Variants in PTPRD observed in about 807,000 individuals in gnomAD.
PTPRD encodes receptor-type tyrosine-protein phosphatase delta.
Under a neutral mutation model 214.5 loss-of-function variants are expected in PTPRD, and 34 were observed. That is an observed-to-expected ratio of 0.16 (90% CI 0.12 to 0.21). The LOEUF (loss-of-function observed/expected upper bound fraction) is 0.21. PTPRD is among the 10% of genes least tolerant of loss of function. PTPRD has a pLI of 1.00. For synonymous variants in PTPRD, 1,128 were observed against 845.7 expected (o/e 1.33, Z -5.79); for missense variants, 2,545 against 2,398.7 (o/e 1.06, Z -1.27).
At position 10,459,563 on chromosome 9, in the gene PTPRD, T is replaced by C. The variant is rs549726181; in HGVS notation, c.-599-118546A>G. Among the ~76,000 whole-genome samples, 407 of 152,294 alleles carry C rather than the reference T, an allele frequency of 2.7e-3. 1 individual carries two copies. Among genetic ancestry groups the C allele is most frequent in the African/African-American group, 9.1e-3 (377 of 41,570 alleles). On this transcript the variant is annotated intron_variant, in intron 2 of 45. Transcript: ENST00000381196. ...TTCTCCACATCCTCTCCAGCATCTG[T>C]TGTTTCCTGACTTTTTAATGATCGC...
intron 27 of PTPRD, among the ~76,000 whole-genome samples, chr9:8,488,735 G>C (rs1253999454): frequency 1.3e-5 from 2 of 152,190 alleles, no homozygotes; most frequent in Non-Finnish European, 2.9e-5. Context: ...TGTGTATAGA[G>C]CATTTACATG....
intron 7 of PTPRD, among the ~76,000 whole-genome samples, chr9:9,655,008 T>C (rs2096471588): frequency 1.3e-5 from 2 of 151,842 alleles, no homozygotes; most frequent in African/African-American, 4.8e-5. Flanking sequence ...TATATATAGA[T>C]ATAGATATAT....
chr9:9,949,910 T>C (rs186561657), intron 4 of PTPRD, among the ~76,000 whole-genome samples: 4 of 152,170 alleles, frequency 2.6e-5, no homozygotes, highest in Non-Finnish European at 5.9e-5. Context: ...GCCAGTATTA[T>C]CAAAAAATTT....
intron 2 of PTPRD, among the ~76,000 whole-genome samples, chr9:10,403,386 T>G (rs2098308074): frequency 6.6e-6 from 1 of 150,698 alleles, no homozygotes; most frequent in Non-Finnish European, 1.5e-5. Context: ...TTTTGAAATT[T>G]TAGTTAATTA....
rs541291492 is a variant in PTPRD, at chr9:8,998,998, G to C, written c.-104+19699C>G. ...TGAATTGCTACAGTCCCATGATAAAGTTTAATGGATGAGCAGTTGCATTTT... is the reference window on the plus strand; with the variant it reads ...TGAATTGCTACAGTCCCATGATAAACTTTAATGGATGAGCAGTTGCATTTT... On this transcript the variant is annotated intron_variant, in intron 11 of 45. Transcript: ENST00000381196. 1.6e-3 allele frequency among the ~76,000 whole-genome samples: 242 copies of C among 152,176 alleles called. 1 individual carries two copies. The highest frequency in any genetic ancestry group is 2.6e-3 in the Admixed American group (40 of 15,264).
At chr9:9,742,776 C>T (rs901932288) in intron 6 of PTPRD, among the ~76,000 whole-genome samples, 1 of 152,164 alleles carries the variant, frequency 6.6e-6, no homozygotes, top group Non-Finnish European at 1.5e-5. Flanking sequence ...CTCTTTCCTT[C>T]CTCTACTAGC....
chr9:10,273,999 A>T (rs1007900705), intron 3 of PTPRD, among the ~76,000 whole-genome samples: 1 of 152,144 alleles, frequency 6.6e-6, no homozygotes, highest in African/African-American at 2.4e-5. Context: ...CAAGATGGAC[A>T]TACTACTTCT....
rs188185788 is a variant in PTPRD at position 9,943,521 on chromosome 9, G to A, written c.-471-4911C>T. 6.9e-4 allele frequency among the ~76,000 whole-genome samples: 105 copies of A among 152,236 alleles called. 1 individual carries two copies. Among genetic ancestry groups the A allele is most frequent in the African/African-American group, 2.2e-3 (91 of 41,544 alleles). On this transcript the variant is annotated intron_variant, in intron 4 of 45. Coordinates refer to ENST00000381196, the MANE Select transcript of PTPRD (RefSeq NM_002839.4). ...ATCAACAAAAATTACTGTCTTCATGGAACATATCTTCTAGTTGGAGGAGAC... is the reference window on the plus strand; with the variant it reads ...ATCAACAAAAATTACTGTCTTCATGAAACATATCTTCTAGTTGGAGGAGAC...
chr9:9,366,933 T>A (rs12339929), intron 9 of PTPRD, among the ~76,000 whole-genome samples: 15,982 of 151,258 alleles, frequency 0.11, 1,004 homozygotes, highest in Non-Finnish European at 0.14. Context: ...TCACTATGTA[T>A]AACTGGTTTT....
intron 7 of PTPRD, among the ~76,000 whole-genome samples, chr9:9,699,544 T>A (rs546695254): frequency 1.3e-5 from 2 of 152,236 alleles, no homozygotes; most frequent in East Asian, 1.9e-4. Context: ...CTAAAATGAA[T>A]CTTATCTATT....
At chr9:8,585,371 T>G (rs1451920911) in intron 14 of PTPRD, among the ~76,000 whole-genome samples, 1 of 152,230 alleles carries the variant, frequency 6.6e-6, no homozygotes, top group East Asian at 1.9e-4. Flanking sequence ...GCCCTGGTTC[T>G]GTCAAGGTTT....
intron 44 of PTPRD, among the ~76,000 whole-genome samples, chr9:8,330,321 A>G (rs2131503790): frequency 6.6e-6 from 1 of 152,136 alleles, no homozygotes; most frequent in African/African-American, 2.4e-5. Context: ...CCATCTTTCC[A>G]GCTCTTGTAA....
intron 3 of PTPRD, among the ~76,000 whole-genome samples, chr9:10,077,022 T>C (rs1481690838): frequency 6.6e-6 from 1 of 152,152 alleles, no homozygotes; most frequent in African/African-American, 2.4e-5. Flanking sequence ...CTGATGTCCA[T>C]AGCTGAAGGT....
intron 14 of PTPRD, among the ~76,000 whole-genome samples, chr9:8,591,471 G>GT (rs1298185646): frequency 6.6e-6 from 1 of 152,066 alleles, no homozygotes; most frequent in Non-Finnish European, 1.5e-5. Context: ...GATCCAAGGT[G>GT]TTTTTTTATT....
chr9:8,766,264 G>A (rs947949368), intron 11 of PTPRD, among the ~76,000 whole-genome samples: 1 of 151,896 alleles, frequency 6.6e-6, no homozygotes, highest in Non-Finnish European at 1.5e-5. Context: ...AAGTATGCAT[G>A]GGTTTCCTCT....
At chr9:8,608,710 A>G (rs2095333113) in intron 14 of PTPRD, among the ~76,000 whole-genome samples, 1 of 152,188 alleles carries the variant, frequency 6.6e-6, no homozygotes, top group Admixed American at 6.5e-5. Context: ...CGGCAAATGG[A>G]TGATGTAAAC....
At chr9:8,636,867 C>T (rs753180231) in intron 12 of PTPRD, 23 bp from the exon 13 acceptor site, 10 of 1,606,926 alleles carry the variant, frequency 6.2e-6, no homozygotes, top group South Asian at 2.2e-5. Context: ...ATAAACATCA[C>T]AGTTAAATTG....
chr9:8,441,334 T>A (rs2095540692), intron 34 of PTPRD, among the ~76,000 whole-genome samples: 1 of 152,012 alleles, frequency 6.6e-6, no homozygotes, highest in Non-Finnish European at 1.5e-5. Context: ...CTGAAAAGGG[T>A]GAAATTATTC....
chr9:10,559,750 A>G (rs997806831), intron 2 of PTPRD, among the ~76,000 whole-genome samples: 7 of 152,184 alleles, frequency 4.6e-5, no homozygotes, highest in African/African-American at 1.7e-4. Context: ...TGGGCGAAGG[A>G]CATGAACAGA....
Sources: allele counts gnomAD v4.1 joint callset (sites outside exome capture counted in the v4.1 genomes callset), GRCh38; gene constraint gnomAD v4.1.1; transcripts MANE v1.5; gene names NCBI Gene and HGNC (gene_info 2026-07-23, HGNC 2026-07-21).